SNX29: variants seen among roughly 807,000 people sequenced by gnomAD.
The protein encoded by SNX29 is sorting nexin-29.
In SNX29, 78 loss-of-function variants were observed where a neutral mutation model predicts 102.1. That is an observed-to-expected ratio of 0.76 (90% CI 0.64 to 0.92). The LOEUF is 0.92. SNX29 is among the 40% of genes least tolerant of loss of function. SNX29 has a pLI of 0.00. For missense variants in SNX29, 1,280 were observed against 1,061.7 expected (o/e 1.21, Z -2.86); for synonymous variants, 580 against 414.5 (o/e 1.40, Z -4.85).
chr16:12,322,263 G>C (rs771082808), intron 15 of SNX29, among the ~76,000 whole-genome samples: 1 of 152,112 alleles, frequency 6.6e-6, no homozygotes, highest in African/African-American at 2.4e-5. Flanking sequence ...TGTGTTCCAC[G>C]CTGGAGCTGG....
rs539779923 is a variant in SNX29, at chr16:12,536,001, G to A, written c.2318+11160G>A. 3.3e-5 allele frequency among the ~76,000 whole-genome samples: 5 copies of A among 152,264 alleles called. No homozygotes were observed. In the South Asian group the frequency reaches 6.2e-4, roughly 19 times the overall value. ...GAAAAGGGGTCTTTGATACCTGTTC[G>A]ACACGCACTCGGAGCTATCCCGTTC... is the stretch of plus-strand genomic sequence containing the variant. On this transcript the variant is annotated intron_variant, in intron 20 of 20. Transcript: ENST00000566228.
At chr16:12,412,640 A>G (rs2084449285) in intron 18 of SNX29, among the ~76,000 whole-genome samples, 1 of 152,122 alleles carries the variant, frequency 6.6e-6, no homozygotes, top group South Asian at 2.1e-4. Context: ...GAAAACTTAG[A>G]GCTCACCTGT....
At position 12,547,282 on chromosome 16, in the gene SNX29, C is replaced by A. The variant is rs572174928; in HGVS notation, c.2319-21224C>A. Among the ~76,000 whole-genome samples the A allele has an allele frequency of 5.9e-5, 9 of 152,272 alleles. No homozygotes were observed. In the South Asian group the frequency reaches 1.9e-3, roughly 32 times the overall value. On this transcript the variant is annotated intron_variant, in intron 20 of 20. Transcript: ENST00000566228. ...TCCTGCAGCCTTGAAGAGTTGGCCC[C>A]TGGGAGAAACAGCAAGGAAGCCAGG...
At chr16:12,136,803 G>C (rs1047976686) in intron 13 of SNX29, among the ~76,000 whole-genome samples, 1 of 152,160 alleles carries the variant, frequency 6.6e-6, no homozygotes, top group Non-Finnish European at 1.5e-5. Flanking sequence ...GCAGTGGTGT[G>C]ATCTCAGCTC....
chr16:12,162,709 T>C (rs950722548), intron 13 of SNX29, among the ~76,000 whole-genome samples: 5 of 152,202 alleles, frequency 3.3e-5, no homozygotes, highest in African/African-American at 4.8e-5. Context: ...TTGTGTGTCC[T>C]GTTCACTTTG....
intron 20 of SNX29, among the ~76,000 whole-genome samples, chr16:12,529,118 CTG>C (rs1346199886): frequency 2.0e-5 from 3 of 152,228 alleles, no homozygotes; most frequent in African/African-American, 7.2e-5. Flanking sequence ...CTCCCAGTCT[CTG>C]TGCCTCCCGT....
intron 20 of SNX29, among the ~76,000 whole-genome samples, chr16:12,536,647 C>G (rs923411973): frequency 3.3e-5 from 5 of 152,158 alleles, no homozygotes; most frequent in South Asian, 2.1e-4. Flanking sequence ...CAGCTAATTT[C>G]TGGGTTCCTT....
intron 2 of SNX29, among the ~76,000 whole-genome samples, chr16:11,999,745 A>C (rs1489274718): frequency 6.6e-6 from 1 of 152,124 alleles, no homozygotes; most frequent in Non-Finnish European, 1.5e-5. Flanking sequence ...CTATAAAAAT[A>C]CAAAAATTAG....
At chr16:12,279,241 T>G (rs560669168) in intron 15 of SNX29, among the ~76,000 whole-genome samples, 1 of 152,184 alleles carries the variant, frequency 6.6e-6, no homozygotes, top group African/African-American at 2.4e-5. Context: ...TACCTGAGCT[T>G]GGGTGGGTTT....
At chr16:12,322,033 C>T (rs1399231672) in intron 15 of SNX29, among the ~76,000 whole-genome samples, 3 of 152,144 alleles carry the variant, frequency 2.0e-5, no homozygotes, top group Non-Finnish European at 4.4e-5. Context: ...TTCAGGCTGT[C>T]GTCGGGGTCC....
chr16:12,319,829 G>T (rs566459837), intron 15 of SNX29, among the ~76,000 whole-genome samples: 1 of 152,170 alleles, frequency 6.6e-6, no homozygotes, highest in African/African-American at 2.4e-5. Flanking sequence ...AAAGCAGGAA[G>T]GGGGAGGGAT....
intron 1 of SNX29, among the ~76,000 whole-genome samples, chr16:11,995,951 T>C (rs2056056372): frequency 6.6e-6 from 1 of 152,044 alleles, no homozygotes; most frequent in East Asian, 1.9e-4. Context: ...TCCCAGCTTT[T>C]TGGGAGGCTG....
chr16:12,163,857 A>AT (rs2055897314), intron 13 of SNX29, among the ~76,000 whole-genome samples: 2 of 152,046 alleles, frequency 1.3e-5, no homozygotes, highest in African/African-American at 2.4e-5. Context: ...GGTGCAGAGG[A>AT]TGAGCAGGTG....
At chr16:12,540,839 G>A (rs138673201) in intron 20 of SNX29, among the ~76,000 whole-genome samples, 14 of 152,302 alleles carry the variant, frequency 9.2e-5, no homozygotes, top group Admixed American at 2.0e-4. Flanking sequence ...AAACAAGATC[G>A]CCTCCACCCT....
intron 14 of SNX29, among the ~76,000 whole-genome samples, chr16:12,227,030 G>A (rs142396818): frequency 1.5e-3 from 225 of 152,370 alleles, no homozygotes; most frequent in African/African-American, 4.8e-3. Flanking sequence ...GCTCAGATAA[G>A]TTGGGATTAT....
intron 18 of SNX29, among the ~76,000 whole-genome samples, chr16:12,438,170 A>G (rs1369401401): frequency 6.6e-6 from 1 of 152,088 alleles, no homozygotes; most frequent in Non-Finnish European, 1.5e-5. Context: ...TCTCTGGACT[A>G]TCTTTATTCT....
chr16:11,983,725 C>A, intron 1 of SNX29: 1 of 984,786 alleles, frequency 1.0e-6, no homozygotes, highest in Non-Finnish European at 1.2e-6. Context: ...CTGATAGGAA[C>A]TCAAATGCTT....
At chr16:11,996,650 G>A (rs1003194745) in intron 1 of SNX29, among the ~76,000 whole-genome samples, 3 of 152,224 alleles carry the variant, frequency 2.0e-5, no homozygotes, top group Admixed American at 6.5e-5. Context: ...AGGGCAGGTA[G>A]AGCTGTCGGG....
chr16:12,117,286 G>T (rs550408301), intron 11 of SNX29, among the ~76,000 whole-genome samples: 1 of 146,356 alleles, frequency 6.8e-6, no homozygotes, highest in Non-Finnish European at 1.5e-5. Context: ...GCTTCAACGC[G>T]GACGAACCGT....
Sources: allele counts gnomAD v4.1 joint callset (sites outside exome capture counted in the v4.1 genomes callset), GRCh38; gene constraint gnomAD v4.1.1; transcripts MANE v1.5; gene names NCBI Gene and HGNC (gene_info 2026-07-23, HGNC 2026-07-21).